The following GPC5 variants were observed in gnomAD, a reference collection of about 807,000 sequenced individuals.
GPC5 encodes the protein glypican-5.
A neutral mutation model predicts 53.9 loss-of-function variants in GPC5; 47 were observed. That is an observed-to-expected ratio of 0.87 (90% confidence interval 0.69 to 1.11). The LOEUF (loss-of-function observed/expected upper bound fraction) is 1.11, where lower values mean the gene tolerates loss of function less well. GPC5 is among the 50% of genes most tolerant of loss of function. The pLI is 0.00. For missense variants in GPC5, 748 were observed against 713.1 expected (o/e 1.05, Z -0.56); for synonymous variants, 286 against 263.3 (o/e 1.09, Z -0.84).
At chr13:92,077,403 T>C (rs1433481905) in intron 6 of GPC5, among the ~76,000 whole-genome samples, 1 of 152,188 alleles carries the variant, frequency 6.6e-6, no homozygotes, top group Non-Finnish European at 1.5e-5. Flanking sequence ...TTGTCAGCCT[T>C]GTACTTACAG....
chr13:92,272,791 T>A (rs1221438274), intron 7 of GPC5, among the ~76,000 whole-genome samples: 1 of 152,148 alleles, frequency 6.6e-6, no homozygotes. Context: ...ATAATTAGAA[T>A]CTGTGAGACT....
intron 7 of GPC5, among the ~76,000 whole-genome samples, chr13:92,476,604 C>T (rs9584031): frequency 0.073 from 10,514 of 143,910 alleles, 703 homozygotes; most frequent in African/African-American, 0.18. Flanking sequence ...CGTATGTTTA[C>T]TGCGGCATTA....
At chr13:91,480,515 C>CT (rs1883243362) in intron 2 of GPC5, among the ~76,000 whole-genome samples, 1 of 152,222 alleles carries the variant, frequency 6.6e-6, no homozygotes, top group Non-Finnish European at 1.5e-5. Context: ...CCATTACTTA[C>CT]TACTAAAAGG....
chr13:91,573,313 C>A (rs1024638581), intron 2 of GPC5, among the ~76,000 whole-genome samples: 2 of 152,138 alleles, frequency 1.3e-5, no homozygotes, highest in East Asian at 1.9e-4. Context: ...AATCTCCTTA[C>A]GACAGCTACT....
At chr13:92,351,990 G>C (rs1342074233) in intron 7 of GPC5, among the ~76,000 whole-genome samples, 2 of 152,090 alleles carry the variant, frequency 1.3e-5, no homozygotes, top group Non-Finnish European at 2.9e-5. Flanking sequence ...GAAGAGTAAA[G>C]AACAAAGAAT....
chr13:92,345,814 A>C (rs2043406598), intron 7 of GPC5, among the ~76,000 whole-genome samples: 1 of 152,134 alleles, frequency 6.6e-6, no homozygotes, highest in African/African-American at 2.4e-5. Flanking sequence ...AATGGGGCTA[A>C]AGGCATACCT....
intron 7 of GPC5, among the ~76,000 whole-genome samples, chr13:92,460,536 A>C (rs144853109): frequency 3.9e-4 from 60 of 152,272 alleles, no homozygotes; most frequent in African/African-American, 1.3e-3. Context: ...TATATGTCCT[A>C]GTGGATATTG....
rs528795552 is a variant in GPC5 at position 92,747,108 on chromosome 13, C to T, written c.1562-119174C>T. Among the ~76,000 whole-genome samples, 6 of 152,204 alleles carry T rather than the reference C, an allele frequency of 3.9e-5. No homozygotes were observed. The South Asian group carries it at 1.2e-3, about 32-fold the overall frequency. ...TATGGGACCACTATCATATATGTGG[C>T]CCATTGTTAGCCAAAGCGTCATTAT... On this transcript the variant is annotated intron_variant, in intron 7 of 7. Transcript: ENST00000377067.
chr13:92,367,994 G>A (rs1456513088), intron 7 of GPC5, among the ~76,000 whole-genome samples: 1 of 152,074 alleles, frequency 6.6e-6, no homozygotes, highest in Non-Finnish European at 1.5e-5. Flanking sequence ...TGTGGCGGGG[G>A]CAGGCGGTGA....
At chr13:91,917,870 GTCT>G (rs1331647377) in intron 6 of GPC5, among the ~76,000 whole-genome samples, 1 of 152,100 alleles carries the variant, frequency 6.6e-6, no homozygotes. Flanking sequence ...CACATCATCT[GTCT>G]TCTTCTGAGC....
At chr13:92,034,135 C>A (rs1013235008) in intron 6 of GPC5, among the ~76,000 whole-genome samples, 5 of 152,116 alleles carry the variant, frequency 3.3e-5, no homozygotes, top group Admixed American at 1.3e-4. Context: ...TATACTATAA[C>A]CTCATTCATA....
At chr13:92,477,003 C>T (rs1879171294) in intron 7 of GPC5, among the ~76,000 whole-genome samples, 1 of 149,906 alleles carries the variant, frequency 6.7e-6, no homozygotes, top group African/African-American at 2.5e-5. Context: ...ATGTAACTAA[C>T]CTGCACAATG....
intron 7 of GPC5, among the ~76,000 whole-genome samples, chr13:92,720,607 T>A (rs940622764): frequency 2.0e-5 from 3 of 152,064 alleles, no homozygotes; most frequent in Non-Finnish European, 2.9e-5. Context: ...AAGGAAAAAA[T>A]TGATGTTACA....
intron 7 of GPC5, among the ~76,000 whole-genome samples, chr13:92,384,485 A>T (rs1430118016): frequency 2.2e-4 from 34 of 152,194 alleles, no homozygotes; most frequent in Admixed American, 2.2e-3. Flanking sequence ...TTACAGTTTC[A>T]TCATTTATGT....
At chr13:92,842,860 TAAC>T (rs1046534991) in intron 7 of GPC5, among the ~76,000 whole-genome samples, 7 of 152,116 alleles carry the variant, frequency 4.6e-5, no homozygotes, top group African/African-American at 1.4e-4. Context: ...TTATAATACT[TAAC>T]AATCATTCAA....
chr13:92,145,430 G>T (rs1172045129), intron 7 of GPC5, among the ~76,000 whole-genome samples: 1 of 151,768 alleles, frequency 6.6e-6, no homozygotes, highest in Admixed American at 6.6e-5. Flanking sequence ...ATTGGTATAT[G>T]GTTATTGATC....
At chr13:91,494,606 A>G (rs1399836956) in intron 2 of GPC5, among the ~76,000 whole-genome samples, 1 of 152,086 alleles carries the variant, frequency 6.6e-6, no homozygotes, top group Non-Finnish European at 1.5e-5. Flanking sequence ...TCAGAGAAAC[A>G]CTTCTTATCA....
intron 2 of GPC5, among the ~76,000 whole-genome samples, chr13:91,636,877 G>C (rs747577252): frequency 1.3e-5 from 2 of 152,152 alleles, no homozygotes; most frequent in Non-Finnish European, 2.9e-5. Flanking sequence ...AGCATTGCTC[G>C]AGTCCAGGCA....
At chr13:92,568,475 G>A (rs760892431) in intron 7 of GPC5, among the ~76,000 whole-genome samples, 3 of 152,116 alleles carry the variant, frequency 2.0e-5, no homozygotes, top group Admixed American at 6.6e-5. Context: ...GACATTTCCA[G>A]CTTGGTTAGT....
Sources: allele counts gnomAD v4.1 joint callset (sites outside exome capture counted in the v4.1 genomes callset), GRCh38; gene constraint gnomAD v4.1.1; transcripts MANE v1.5; gene names NCBI Gene and HGNC (gene_info 2026-07-23, HGNC 2026-07-21).